The following THSD7B variants were observed in gnomAD, a reference collection of about 807,000 sequenced individuals.
THSD7B encodes the protein thrombospondin type-1 domain-containing protein 7B.
THSD7B carries 138 observed loss-of-function variants against 213.6 expected under a neutral mutation model. The observed-to-expected ratio is 0.65, with a 90% CI of 0.56 to 0.74. The LOEUF (loss-of-function observed/expected upper bound fraction) is 0.74, where lower values mean the gene tolerates loss of function less well. Ranked by LOEUF, THSD7B falls within the 30% of genes least tolerant of loss-of-function variation. The probability of loss-of-function intolerance (pLI) is 0.00; values close to 1 mark genes in which losing one functional copy is unlikely to be tolerated. For missense variants in THSD7B, 1,931 were observed against 1,991.5 expected, an observed-to-expected ratio of 0.97 and a Z score of 0.58; for synonymous variants, 742 against 687.0, an observed-to-expected ratio of 1.08 and a Z score of -1.25.
intron 3 of THSD7B, among the ~76,000 whole-genome samples, chr2:137,061,589 A>G (rs1254543504): frequency 6.6e-6 from 1 of 151,218 alleles, no homozygotes; most frequent in East Asian, 1.9e-4. Flanking sequence ...AGATTTTGTT[A>G]AATATTTTTT....
At chr2:137,531,742 G>A (rs1207921815) in intron 15 of THSD7B, among the ~76,000 whole-genome samples, 2 of 151,882 alleles carry the variant, frequency 1.3e-5, no homozygotes, top group Admixed American at 1.3e-4. Flanking sequence ...TAAGACAAAG[G>A]CATCTGTGTG....
chr2:136,786,357 C>T (rs902819579), intron 1 of THSD7B, among the ~76,000 whole-genome samples: 3 of 152,116 alleles, frequency 2.0e-5, no homozygotes, highest in African/African-American at 7.2e-5. Flanking sequence ...TTCACTGCTG[C>T]TTTTCCTGTC....
intron 15 of THSD7B, among the ~76,000 whole-genome samples, chr2:137,451,625 T>A (rs1178308019): frequency 6.6e-6 from 1 of 152,086 alleles, no homozygotes; most frequent in Non-Finnish European, 1.5e-5. Flanking sequence ...ACATGTCTAA[T>A]GAAATTGCCA....
chr2:136,931,397 T>G lies in THSD7B; in HGVS notation c.139+49080T>G, dbSNP rs182298052. On this transcript the variant is annotated intron_variant, in intron 2 of 27. Coordinates refer to ENST00000409968, the MANE Select transcript of THSD7B (RefSeq NM_001316349.2). ...TACAAGGTGGATTAAGAATCAAAGT[T>G]TAAGTTTGTTTGGTTCCAAACCAGT... Among the ~76,000 whole-genome samples, 5 of 152,308 alleles carry G rather than the reference T, an allele frequency of 3.3e-5. No homozygotes were observed. The East Asian group carries it at 9.6e-4, about 29-fold the overall frequency.
At chr2:137,551,520 A>G (rs552203686) in intron 15 of THSD7B, among the ~76,000 whole-genome samples, 23 of 152,236 alleles carry the variant, frequency 1.5e-4, no homozygotes, top group African/African-American at 5.3e-4. Context: ...TGCTGTCCTT[A>G]AGAGCCACAC....
Position 137,657,117 on chromosome 2 carries a change from A to G in THSD7B, c.4332A>G (p.Glu1444=). 1 of 1,614,012 alleles carries G rather than the reference A, an allele frequency of 6.2e-7. No homozygotes were observed. The highest frequency in any genetic ancestry group is 8.5e-7 in the Non-Finnish European group (1 of 1,179,892). Residue 1444 remains glutamate (E), a synonymous_variant, in exon 24 of 28, where the codon GAA becomes GAG. Coordinates refer to ENST00000409968, the MANE Select transcript of THSD7B (RefSeq NM_001316349.2). ...AAGCAAGTCTTTGGAACAATAACGAACGAACTGTATGGTGCCAGCGTTCAG... is the reference window on the plus strand; with the variant it reads ...AAGCAAGTCTTTGGAACAATAACGAGCGAACTGTATGGTGCCAGCGTTCAG... ...TWKASLWNNN[E]RTVWCQRSDG...
intron 25 of THSD7B, among the ~76,000 whole-genome samples, chr2:137,662,836 C>T (rs369303158): frequency 1.3e-5 from 2 of 152,020 alleles, no homozygotes; most frequent in African/African-American, 4.8e-5. Context: ...GGGAAGATTA[C>T]CTGAGGTCAG....
At chr2:137,367,899 A>G (rs1685456887) in intron 12 of THSD7B, among the ~76,000 whole-genome samples, 1 of 152,162 alleles carries the variant, frequency 6.6e-6, no homozygotes, top group Non-Finnish European at 1.5e-5. Flanking sequence ...AACCTTATTT[A>G]TCACCCAAAG....
intron 7 of THSD7B, among the ~76,000 whole-genome samples, chr2:137,228,934 T>C (rs371378638): frequency 7.9e-5 from 12 of 152,194 alleles, no homozygotes; most frequent in African/African-American, 2.9e-4. Flanking sequence ...AGTTCTTTAA[T>C]GTAGAGTTTT....
In THSD7B at chr2:136,841,120, A is replaced by G. The variant is rs889249140; in HGVS notation, c.-35-41024A>G. ...GTAAGAATTTCAAACCCCATTTTAC[A>G]TACCAGTAACTGGAACTCCAAGGGG... On this transcript the variant is annotated intron_variant, in intron 1 of 27. Transcript: ENST00000409968. Among the ~76,000 whole-genome samples the G allele has an allele frequency of 1.2e-4, 18 of 152,184 alleles. 1 individual carries two copies. Among genetic ancestry groups the G allele is most frequent in the African/African-American group, 3.1e-4 (13 of 41,446 alleles).
chr2:137,169,943 C>G (rs1680211641), intron 6 of THSD7B, among the ~76,000 whole-genome samples: 2 of 152,288 alleles, frequency 1.3e-5, no homozygotes, highest in South Asian at 4.1e-4. Flanking sequence ...GGCCAAGAGT[C>G]AACGGAAGCT....
intron 6 of THSD7B, among the ~76,000 whole-genome samples, chr2:137,160,625 G>A (rs1194132489): frequency 6.6e-6 from 1 of 152,060 alleles, no homozygotes; most frequent in Admixed American, 6.6e-5. Flanking sequence ...CTTTTGTTTT[G>A]TTTTGTTTTG....
intron 15 of THSD7B, among the ~76,000 whole-genome samples, chr2:137,500,431 C>T (rs1393170488): frequency 6.6e-6 from 1 of 152,180 alleles, no homozygotes; most frequent in African/African-American, 2.4e-5. Flanking sequence ...TGCAGTTTAA[C>T]ATGTGCTGCA....
At chr2:137,012,505 C>A (rs547451837) in intron 2 of THSD7B, among the ~76,000 whole-genome samples, 1 of 152,262 alleles carries the variant, frequency 6.6e-6, no homozygotes, top group East Asian at 1.9e-4. Flanking sequence ...GTTTAACTCT[C>A]GAAGGGAAGT....
chr2:137,358,736 T>G (rs1685189172), intron 12 of THSD7B, among the ~76,000 whole-genome samples: 1 of 152,170 alleles, frequency 6.6e-6, no homozygotes, highest in African/African-American at 2.4e-5. Context: ...ATCTTATACT[T>G]CAGATCCCCT....
chr2:137,360,760 C>T (rs937640926), intron 12 of THSD7B, among the ~76,000 whole-genome samples: 1 of 152,202 alleles, frequency 6.6e-6, no homozygotes, highest in African/African-American at 2.4e-5. Context: ...TGCCTCTGTA[C>T]ACCCCACCTC....
rs528768168 is a variant in THSD7B at position 137,073,212 on chromosome 2, C to T, written c.950+15982C>T. On this transcript the variant is annotated intron_variant, in intron 3 of 27. Transcript: ENST00000409968. ...TCCTCTTTGTACCTCTGGTAGAATTCGGCTGTGAATCCATCTGGTCCTGGA... is the reference window on the plus strand; with the variant it reads ...TCCTCTTTGTACCTCTGGTAGAATTTGGCTGTGAATCCATCTGGTCCTGGA... Among the ~76,000 whole-genome samples, 79 of 152,188 alleles carry T rather than the reference C, an allele frequency of 5.2e-4. 1 individual carries two copies. The highest frequency in any genetic ancestry group is 1.7e-3 in the African/African-American group (71 of 41,514).
chr2:136,960,247 C>A lies in THSD7B; in HGVS notation c.139+77930C>A, dbSNP rs1235224921. On this transcript the variant is annotated intron_variant, in intron 2 of 27. Transcript: ENST00000409968. ...GGCTCAAGTGATCCCCGCACCACAA[C>A]CTCCTGAGTAGCTGGGACTATAGGC... Among the ~76,000 whole-genome samples the A allele has an allele frequency of 3.3e-5, 5 of 152,168 alleles. No homozygotes were observed. The South Asian group carries it at 1.0e-3, about 32-fold the overall frequency.
intron 12 of THSD7B, among the ~76,000 whole-genome samples, chr2:137,357,394 T>C (rs1450507545): frequency 2.0e-5 from 3 of 152,060 alleles, no homozygotes; most frequent in African/African-American, 7.2e-5. Flanking sequence ...AAATAATATG[T>C]TTTTCTGAGC....
Sources: gnomAD v4.1 joint callset for allele counts (sites outside exome capture counted in the v4.1 genomes callset) on GRCh38, gnomAD v4.1.1 for gene constraint, MANE v1.5 for transcripts, NCBI Gene and HGNC (gene_info 2026-07-23, HGNC 2026-07-21) for gene names.